Variants in TLN2 observed in about 807,000 individuals in gnomAD.
The protein encoded by TLN2 is talin 2.
In TLN2, 118 loss-of-function variants were observed where a neutral mutation model predicts 294.7. That is an observed-to-expected ratio of 0.40 (90% CI 0.34 to 0.47). TLN2 has a LOEUF of 0.47. Ranked by LOEUF, TLN2 falls within the 20% of genes least tolerant of loss-of-function variation. TLN2 has a pLI of 0.84. For synonymous variants in TLN2, 1,431 were observed against 1,304.5 expected, an observed-to-expected ratio of 1.10 and a Z score of -2.09; for missense variants, 3,083 against 3,282.2, an observed-to-expected ratio of 0.94 and a Z score of 1.48.
chr15:62,409,150 T>C (rs951967952), intron 1 of TLN2, among the ~76,000 whole-genome samples: 1 of 149,840 alleles, frequency 6.7e-6, no homozygotes, highest in East Asian at 2.0e-4. Flanking sequence ...CTGTTGGGGA[T>C]TTTTTTTTGT....
At chr15:62,458,025 G>C (rs543868584) in intron 1 of TLN2, among the ~76,000 whole-genome samples, 1 of 152,246 alleles carries the variant, frequency 6.6e-6, no homozygotes, top group Non-Finnish European at 1.5e-5. Context: ...CGACATGATG[G>C]TCAGGTCTGG....
chr15:62,553,709 C>T (rs1305245596), intron 1 of TLN2, among the ~76,000 whole-genome samples: 1 of 152,078 alleles, frequency 6.6e-6, no homozygotes, highest in African/African-American at 2.4e-5. Flanking sequence ...TTAAATACCC[C>T]TAATTTAATA....
intron 54 of TLN2, among the ~76,000 whole-genome samples, chr15:62,826,356 G>T (rs1206937652): frequency 1.3e-5 from 2 of 152,200 alleles, no homozygotes; most frequent in Non-Finnish European, 2.9e-5. Context: ...GACACTGCAT[G>T]AACTCGCGCG....
chr15:62,621,079 T>C (rs1403083460), intron 3 of TLN2, among the ~76,000 whole-genome samples: 1 of 152,064 alleles, frequency 6.6e-6, no homozygotes, highest in Non-Finnish European at 1.5e-5. Context: ...GACCTTGTGA[T>C]CCGCCCACCT....
chr15:62,828,945 C>G (rs1291750153), intron 54 of TLN2: 1 of 152,022 alleles, frequency 6.6e-6, no homozygotes, highest in African/African-American at 2.4e-5. Flanking sequence ...TGAGTCCAGG[C>G]CAGCATTTCC....
chr15:62,513,126 T>G (rs1321744831), intron 1 of TLN2, among the ~76,000 whole-genome samples: 1 of 152,198 alleles, frequency 6.6e-6, no homozygotes, highest in Non-Finnish European at 1.5e-5. Flanking sequence ...CCAGCTGTCC[T>G]TCCTGCCTTA....
At chr15:62,628,907 G>GCA (rs1256220321) in intron 3 of TLN2, among the ~76,000 whole-genome samples, 2 of 152,298 alleles carry the variant, frequency 1.3e-5, no homozygotes, top group African/African-American at 4.8e-5. Flanking sequence ...GTGGTGCTGG[G>GCA]CACAGTGTCT....
intron 1 of TLN2, chr15:62,453,547 T>G (rs933380819): frequency 2.0e-5 from 3 of 152,218 alleles, no homozygotes; most frequent in Non-Finnish European, 4.4e-5. Context: ...TTTATGTTGT[T>G]GACTGATTGC....
At chr15:62,495,088 T>G (rs1257237102) in intron 1 of TLN2, among the ~76,000 whole-genome samples, 1 of 152,234 alleles carries the variant, frequency 6.6e-6, no homozygotes, top group Non-Finnish European at 1.5e-5. Context: ...CTAGAGTTCC[T>G]TCACTGCACT....
At chr15:62,658,185 C>G (rs76084853) in intron 9 of TLN2, 10 of 166,530 alleles carry the variant, frequency 6.0e-5, no homozygotes, top group African/African-American at 2.5e-4. Context: ...AAAAAAAAAC[C>G]AAAAAAAAAA....
At chr15:62,548,052 C>T (rs886755927) in intron 1 of TLN2, among the ~76,000 whole-genome samples, 3 of 152,102 alleles carry the variant, frequency 2.0e-5, no homozygotes, top group South Asian at 4.2e-4. Flanking sequence ...CATTCCAGCC[C>T]GAGACTATGC....
At chr15:62,588,671 TA>T (rs1567150651) in intron 1 of TLN2, among the ~76,000 whole-genome samples, 1 of 52,086 alleles carries the variant, frequency 1.9e-5, no homozygotes, top group African/African-American at 8.7e-5. Flanking sequence ...TTTTCATATA[TA>T]TATATATATA....
Position 62,799,140 on chromosome 15 carries a change from C to T in TLN2, c.6235-1228C>T, listed in dbSNP as rs118054174. On this transcript the variant is annotated intron_variant, in intron 48 of 58. Coordinates refer to ENST00000636159, the MANE Select transcript of TLN2 (RefSeq NM_015059.3). ...CCCAGAGCCACGCACACAGGCATGG[C>T]GCAGTGTGGAGGTTAAGACCGTGGC... is the stretch of plus-strand genomic sequence containing the variant. Among the ~76,000 whole-genome samples the T allele has an allele frequency of 6.2e-3, 939 of 152,286 alleles. 8 individuals are homozygous for T. The highest frequency in any genetic ancestry group is 9.8e-3 in the Non-Finnish European group (667 of 68,020).
chr15:62,608,517 G>A (rs1245523005), intron 2 of TLN2, among the ~76,000 whole-genome samples: 1 of 152,152 alleles, frequency 6.6e-6, no homozygotes, highest in Non-Finnish European at 1.5e-5. Flanking sequence ...CGTAGAGTAG[G>A]AGGAAAGCAC....
intron 43 of TLN2, among the ~76,000 whole-genome samples, chr15:62,780,062 A>G (rs1277963894): frequency 6.6e-6 from 1 of 152,216 alleles, no homozygotes; most frequent in Non-Finnish European, 1.5e-5. Context: ...TGCTTACCCC[A>G]GATCCCACTG....
intron 42 of TLN2, among the ~76,000 whole-genome samples, chr15:62,775,787 T>C (rs933452038): frequency 6.6e-6 from 1 of 152,264 alleles, no homozygotes; most frequent in African/African-American, 2.4e-5. Context: ...AGCCACGGCA[T>C]GGGTAGACCC....
chr15:62,712,197 A>G, intron 22 of TLN2, 120 bp downstream of exon 22: 1 of 1,236,876 alleles, frequency 8.1e-7, no homozygotes, highest in Non-Finnish European at 1.1e-6. Context: ...TAAAACCTAT[A>G]TGGCTTGTAA....
chr15:62,722,321 A>C (rs2060197463), intron 25 of TLN2, 32 bp from the exon 26 acceptor site: 1 of 1,585,836 alleles, frequency 6.3e-7, no homozygotes, highest in Non-Finnish European at 8.6e-7. Context: ...GCTGCCCAGG[A>C]GCCATCTTAC....
chr15:62,497,667 T>C (rs1223562163), intron 1 of TLN2, among the ~76,000 whole-genome samples: 1 of 152,246 alleles, frequency 6.6e-6, no homozygotes, highest in African/African-American at 2.4e-5. Context: ...AGTTGCAATA[T>C]GATTTTTTCT....
Sources: gnomAD v4.1 joint callset for allele counts (sites outside exome capture counted in the v4.1 genomes callset) on GRCh38, gnomAD v4.1.1 for gene constraint, MANE v1.5 for transcripts, NCBI Gene and HGNC (gene_info 2026-07-23, HGNC 2026-07-21) for gene names.